Variants in SLC38A6 observed in about 807,000 individuals in gnomAD.
The protein encoded by SLC38A6 is solute carrier family 38 member 6, also known as N system amino acid transporter NAT-1.
Under a neutral mutation model 65.0 loss-of-function variants are expected in SLC38A6, and 73 were observed. The ratio of observed to expected loss-of-function variants is 1.12; its 90% confidence interval spans 0.93 to 1.37. The LOEUF is 1.37. SLC38A6 is among the 40% of genes most tolerant of loss of function. The pLI is 0.00. For missense variants in SLC38A6, 561 were observed against 531.1 expected (o/e 1.06, Z -0.55); for synonymous variants, 183 against 178.8 (o/e 1.02, Z -0.19).
intron 4 of SLC38A6, among the ~76,000 whole-genome samples, chr14:61,018,372 A>C (rs899456978): frequency 2.0e-4 from 30 of 152,208 alleles, no homozygotes; most frequent in African/African-American, 5.1e-4. Context: ...TTCAAGTGGC[A>C]ATCACCACAT....
intron 5 of SLC38A6, among the ~76,000 whole-genome samples, chr14:61,020,604 A>G (rs947539015): frequency 2.2e-4 from 33 of 152,140 alleles, no homozygotes; most frequent in African/African-American, 6.8e-4. Flanking sequence ...TCATGAAAAA[A>G]TATGAATAAA....
chr14:61,054,388 TA>T (rs2042634167), downstream of SLC38A6, among the ~76,000 whole-genome samples: 2 of 152,202 alleles, frequency 1.3e-5, no homozygotes, highest in African/African-American at 4.8e-5. Flanking sequence ...AATTTTAAAA[TA>T]GTTTTATCTA....
chr14:60,985,000 G>A (rs920736796), intron 3 of SLC38A6, among the ~76,000 whole-genome samples, 197 bp downstream of exon 3: 4 of 152,176 alleles, frequency 2.6e-5, no homozygotes, highest in Admixed American at 6.5e-5. Flanking sequence ...CAGGATGGGA[G>A]GAGGTAATTA....
chr14:61,050,638 T>C lies in SLC38A6; in HGVS notation c.1050+2T>C. 6.5e-7 allele frequency: 1 copy of C among 1,547,728 alleles called. No individual in the cohort carries two copies. The highest frequency in any genetic ancestry group is 8.8e-7 in the Non-Finnish European group (1 of 1,138,950). ...ACAGTCCCTCTAATCCACTTCCCTG[T>C]AAGTACTCTTAAAGGGTTTTGTTGC... is the stretch of plus-strand genomic sequence containing the variant. On this transcript the variant is annotated splice_donor_variant, in intron 13 of 15. Coordinates refer to ENST00000267488, the MANE Select transcript of SLC38A6 (RefSeq NM_153811.3). LOFTEE classifies it high-confidence loss of function.
chr14:61,015,402 C>G (rs2039932123), intron 3 of SLC38A6, among the ~76,000 whole-genome samples: 1 of 152,156 alleles, frequency 6.6e-6, no homozygotes, highest in Non-Finnish European at 1.5e-5. Flanking sequence ...CACCCACTGT[C>G]CAACACTCCC....
chr14:61,016,262 T>G (rs1407840125), intron 4 of SLC38A6, among the ~76,000 whole-genome samples: 1 of 152,200 alleles, frequency 6.6e-6, no homozygotes, highest in Non-Finnish European at 1.5e-5. Context: ...GTATTAATTT[T>G]GATTATGTAC....
intron 3 of SLC38A6, among the ~76,000 whole-genome samples, chr14:60,986,494 GGCCATCCAGTGCAC>G (rs1228156042): frequency 6.6e-6 from 1 of 152,148 alleles, no homozygotes; most frequent in Non-Finnish European, 1.5e-5. Context: ...ACAGTGCTTT[GGCCATCCAGTGCAC>G]GCCTTTGCTC....
At chr14:61,023,560 CAAA>C (rs974410806) in intron 5 of SLC38A6, among the ~76,000 whole-genome samples, 1 of 47,548 alleles carries the variant, frequency 2.1e-5, no homozygotes, top group Non-Finnish European at 4.2e-5. Context: ...GCAACTGTCT[CAAA>C]AATAATAATA....
At chr14:61,039,022 A>G (rs982763807) in intron 8 of SLC38A6, among the ~76,000 whole-genome samples, 1 of 152,224 alleles carries the variant, frequency 6.6e-6, no homozygotes, top group African/African-American at 2.4e-5. Context: ...ATCAGTATAG[A>G]TAACATATTG....
downstream of SLC38A6, among the ~76,000 whole-genome samples, chr14:61,054,697 T>C (rs2042646722): frequency 1.3e-5 from 2 of 152,218 alleles, no homozygotes; most frequent in Admixed American, 1.3e-4. Flanking sequence ...ATAGGAATGC[T>C]AGTAATTTTT....
intron 15 of SLC38A6, among the ~76,000 whole-genome samples, chr14:61,067,341 C>T (rs1302374118): frequency 6.6e-6 from 1 of 152,110 alleles, no homozygotes; most frequent in Non-Finnish European, 1.5e-5. Flanking sequence ...ACTTTTATTA[C>T]TTTACTGTCC....
intron 3 of SLC38A6, among the ~76,000 whole-genome samples, chr14:60,988,616 C>T (rs2037632735): frequency 6.6e-6 from 1 of 152,188 alleles, no homozygotes; most frequent in Non-Finnish European, 1.5e-5. Context: ...CCACCACCAT[C>T]TCCTTTGTTT....
At chr14:61,026,959 C>T (rs948642648) in intron 5 of SLC38A6, among the ~76,000 whole-genome samples, 10 of 151,822 alleles carry the variant, frequency 6.6e-5, no homozygotes, top group Admixed American at 1.3e-4. Context: ...TCTAACATCT[C>T]TCCTCTCAAC....
chr14:61,020,468 A>G (rs2040286467), intron 5 of SLC38A6, among the ~76,000 whole-genome samples: 1 of 152,164 alleles, frequency 6.6e-6, no homozygotes, highest in Admixed American at 6.6e-5. Flanking sequence ...TCTGAGCTAT[A>G]TCACTTTAAG....
intron 3 of SLC38A6, among the ~76,000 whole-genome samples, chr14:60,999,025 A>C (rs774305946): frequency 3.3e-5 from 5 of 152,232 alleles, no homozygotes; most frequent in Non-Finnish European, 5.9e-5. Context: ...AAAGCCATAT[A>C]CTACCTATTG....
At chr14:61,071,735 A>G (rs868695094) in intron 15 of SLC38A6, among the ~76,000 whole-genome samples, 2 of 151,922 alleles carry the variant, frequency 1.3e-5, no homozygotes, top group African/African-American at 2.4e-5. Context: ...CACAACAACT[A>G]TGTAGGAATT....
chr14:60,994,890 G>A (rs1443861861), intron 3 of SLC38A6, among the ~76,000 whole-genome samples: 2 of 150,336 alleles, frequency 1.3e-5, no homozygotes, highest in African/African-American at 2.5e-5. Context: ...TGTAATCCCA[G>A]CTACTTGGGA....
chr14:61,054,382 T>G (rs2042633627), downstream of SLC38A6, among the ~76,000 whole-genome samples: 1 of 152,206 alleles, frequency 6.6e-6, no homozygotes, highest in Admixed American at 6.5e-5. Context: ...CATATGAATT[T>G]TAAAATAGTT....
At chr14:61,039,571 A>G (rs1023640741) in intron 8 of SLC38A6, among the ~76,000 whole-genome samples, 1 of 140,636 alleles carries the variant, frequency 7.1e-6, no homozygotes, top group Non-Finnish European at 1.5e-5. Flanking sequence ...GTGTTTCACC[A>G]TGTTAGCCAG....
Sources: gnomAD v4.1 joint callset for allele counts (sites outside exome capture counted in the v4.1 genomes callset) on GRCh38, gnomAD v4.1.1 for gene constraint, MANE v1.5 for transcripts, NCBI Gene and HGNC (gene_info 2026-07-23, HGNC 2026-07-21) for gene names.